The following ASH1L variants were observed in gnomAD, a reference collection of about 807,000 sequenced individuals.
ASH1L encodes ASH1 like histone lysine methyltransferase.
A neutral mutation model predicts 269.0 loss-of-function variants in ASH1L; 23 were observed. The observed-to-expected ratio is 0.09, with a 90% CI of 0.06 to 0.12. ASH1L has a LOEUF of 0.12. Among genes scored for constraint, ASH1L ranks in the 10% least tolerant of loss-of-function variants. The pLI is 1.00. For synonymous variants in ASH1L, 1,187 were observed against 1,253.5 expected (o/e 0.95, Z 1.12); for missense variants, 2,912 against 3,567.8 (o/e 0.82, Z 4.68).
chr1:155,456,158 G>T (rs1663849114), intron 4 of ASH1L, among the ~76,000 whole-genome samples: 1 of 152,052 alleles, frequency 6.6e-6, no homozygotes, highest in African/African-American at 2.4e-5. Flanking sequence ...TTCCTATTTA[G>T]TTACTTCAAA....
At chr1:155,501,495 C>A (rs1667497974) in intron 2 of ASH1L, among the ~76,000 whole-genome samples, 1 of 152,134 alleles carries the variant, frequency 6.6e-6, no homozygotes, top group African/African-American at 2.4e-5. Flanking sequence ...TCCATCCCTC[C>A]AAGTAGCTGG....
At chr1:155,340,250 C>T (rs1652670024) in intron 25 of ASH1L, among the ~76,000 whole-genome samples, 1 of 152,094 alleles carries the variant, frequency 6.6e-6, no homozygotes, top group African/African-American at 2.4e-5. Flanking sequence ...GTGGTGCGAT[C>T]TTGGCTCACT....
At chr1:155,528,137 A>G (rs898337602) in intron 1 of ASH1L, among the ~76,000 whole-genome samples, 2 of 152,302 alleles carry the variant, frequency 1.3e-5, no homozygotes, top group Middle Eastern at 3.4e-3. Context: ...TACTGACTGG[A>G]TTGTGTAATA....
Position 155,336,589 on chromosome 1 carries a change from A to C in ASH1L, c.*1071T>G, listed in dbSNP as rs949989856. The C allele has an allele frequency of 1.3e-5, 2 of 152,602 alleles. No homozygotes were observed. Among genetic ancestry groups the C allele is most frequent in the Non-Finnish European group, 2.9e-5 (2 of 68,012 alleles). 9.5% of individuals were successfully genotyped at this position (152,602 alleles called of 1,614,324 possible). On this transcript the variant is annotated 3_prime_UTR_variant, in exon 28 of 28. Coordinates refer to ENST00000392403, the MANE Select transcript of ASH1L (RefSeq NM_018489.3). ...GGAAGGAAGGAGACACCCTGGATAT[A>C]CCTCCTGATGTCATTCAGGAGGGTG...
intron 6 of ASH1L, among the ~76,000 whole-genome samples, chr1:155,404,234 A>T (rs911339598): frequency 1.3e-4 from 20 of 152,034 alleles, no homozygotes; most frequent in Non-Finnish European, 2.5e-4. Context: ...ATGTACCTGT[A>T]GTCCCAGCTA....
chr1:155,401,785 G>GA lies in ASH1L; in HGVS notation c.6009-6233dup, dbSNP rs377506294. On this transcript the variant is annotated intron_variant, in intron 6 of 27. Transcript: ENST00000392403. ...CCTGGGTGACAGAGTGAGACTCTAA[G>GA]AAAAAAAAAGAGCATACTGGCTTCC... 4.2e-3 allele frequency among the ~76,000 whole-genome samples: 585 copies of GA among 139,244 alleles called. 4 individuals carry two copies. Among genetic ancestry groups the GA allele is most frequent in the Middle Eastern group, 0.024 (5 of 208 alleles). 91.3% of individuals were successfully genotyped at this position (139,244 alleles called of 152,430 possible). A position where few individuals can be genotyped will look rare whatever the true frequency, so the allele number is the denominator to read the frequency against.
At chr1:155,470,224 C>A (rs545746227) in intron 3 of ASH1L, among the ~76,000 whole-genome samples, 1 of 151,898 alleles carries the variant, frequency 6.6e-6, no homozygotes, top group Non-Finnish European at 1.5e-5. Flanking sequence ...TTTGGGAAGC[C>A]GAGGCGGGTG....
chr1:155,347,922 A>G lies in ASH1L; in HGVS notation c.7555-18T>C, dbSNP rs993997885. Reference sequence around the variant, plus strand: ...TAGTACTTCTGAAGAAAGCAAATAAAGAAATCATGTTTGGTTCTCTCAATG... The same window carrying G: ...TAGTACTTCTGAAGAAAGCAAATAAGGAAATCATGTTTGGTTCTCTCAATG... On this transcript the variant is annotated intron_variant, in intron 19 of 27. Transcript: ENST00000392403. The G allele has an allele frequency of 4.3e-6, 7 of 1,611,810 alleles. No homozygotes were observed. Among genetic ancestry groups the G allele is most frequent in the Non-Finnish European group, 5.1e-6 (6 of 1,178,018 alleles).
intron 5 of ASH1L, among the ~76,000 whole-genome samples, chr1:155,427,767 C>A (rs1233567862): frequency 2.0e-5 from 3 of 152,124 alleles, no homozygotes; most frequent in Non-Finnish European, 4.4e-5. Flanking sequence ...TGCGCCCTGC[C>A]CACATCTCAC....
chr1:155,557,293 C>T (rs186474399), intron 1 of ASH1L, among the ~76,000 whole-genome samples: 4 of 151,784 alleles, frequency 2.6e-5, no homozygotes, highest in African/African-American at 9.7e-5. Flanking sequence ...GACAGAGTCT[C>T]GCTCTGTCAC....
intron 7 of ASH1L, among the ~76,000 whole-genome samples, chr1:155,389,250 G>A (rs938622392): frequency 1.3e-5 from 2 of 151,684 alleles, no homozygotes; most frequent in African/African-American, 2.4e-5. Flanking sequence ...TGCCTGCCTC[G>A]GCCTCCCAAA....
At chr1:155,377,357 C>CT (rs1208915205) in intron 10 of ASH1L, among the ~76,000 whole-genome samples, 2 of 152,160 alleles carry the variant, frequency 1.3e-5, no homozygotes, top group African/African-American at 4.8e-5. Flanking sequence ...CCTCTTCACT[C>CT]TCACTGCCAC....
intron 5 of ASH1L, chr1:155,433,880 C>A (rs755308252): frequency 4.4e-6 from 7 of 1,602,666 alleles, no homozygotes; most frequent in Middle Eastern, 1.7e-4. Context: ...AAAGAGAAAG[C>A]GAACCAGTAT....
chr1:155,367,528 T>G (rs1205295959), intron 12 of ASH1L, among the ~76,000 whole-genome samples: 1 of 152,210 alleles, frequency 6.6e-6, no homozygotes, highest in Non-Finnish European at 1.5e-5. Flanking sequence ...GTTAGACTCT[T>G]CAAATGTAGA....
intron 5 of ASH1L, among the ~76,000 whole-genome samples, chr1:155,427,068 A>T (rs768160452): frequency 4.6e-5 from 7 of 151,966 alleles, no homozygotes; most frequent in Non-Finnish European, 1.0e-4. Flanking sequence ...GCTTGAAATT[A>T]AGTCTTGGGA....
intron 2 of ASH1L, among the ~76,000 whole-genome samples, chr1:155,494,793 T>C (rs903503266): frequency 6.6e-6 from 1 of 152,146 alleles, no homozygotes; most frequent in Non-Finnish European, 1.5e-5. Context: ...CAACAGCATA[T>C]TGACATTTAA....
intron 1 of ASH1L, among the ~76,000 whole-genome samples, chr1:155,542,410 G>T (rs913246670): frequency 5.3e-5 from 8 of 151,914 alleles, no homozygotes; most frequent in African/African-American, 9.7e-5. Context: ...TTAGCCAGGC[G>T]TGGTGGTGGG....
intron 2 of ASH1L, among the ~76,000 whole-genome samples, chr1:155,502,365 C>T (rs1667573221): frequency 6.6e-6 from 1 of 151,996 alleles, no homozygotes; most frequent in Admixed American, 6.6e-5. Flanking sequence ...CCACCGCGCC[C>T]GGCAGATAGT....
chr1:155,562,679 G>C lies in ASH1L; in HGVS notation c.-626C>G. 6.6e-7 allele frequency: 1 copy of C among 1,521,102 alleles called. No individual in the cohort carries two copies. The highest frequency in any genetic ancestry group is 1.2e-5 in the South Asian group (1 of 83,772). The allele number at this position is 1,521,102 out of a possible 1,614,324, so 94.2% of individuals were successfully genotyped here. On this transcript the variant is annotated 5_prime_UTR_variant, in exon 1 of 28. Coordinates refer to ENST00000392403, the MANE Select transcript of ASH1L (RefSeq NM_018489.3). ...CCACCTTCGGCCGCCCCGCGCGCCA[G>C]CCAGCCCGTACGCGCTCACCCACAG... is the stretch of plus-strand genomic sequence containing the variant.
Sources: allele counts gnomAD v4.1 joint callset (sites outside exome capture counted in the v4.1 genomes callset), GRCh38; gene constraint gnomAD v4.1.1; transcripts MANE v1.5; gene names NCBI Gene and HGNC (gene_info 2026-07-23, HGNC 2026-07-21).